EBI3: variants seen among roughly 807,000 people sequenced by gnomAD.
EBI3 encodes Epstein-Barr virus induced 3, also known as interleukin-27 subunit beta.
EBI3 carries 19 observed loss-of-function variants against 21.3 expected under a neutral mutation model. The observed-to-expected ratio is 0.89, with a 90% confidence interval of 0.62 to 1.31. The LOEUF is 1.31. Among genes scored for constraint, EBI3 ranks in the 50% most tolerant of loss-of-function variants. The probability of loss-of-function intolerance (pLI) is 0.00; values close to 1 mark genes in which losing one functional copy is unlikely to be tolerated. For missense variants in EBI3, 331 were observed against 314.0 expected, an observed-to-expected ratio of 1.05 and a Z score of -0.41; for synonymous variants, 154 against 131.2, an observed-to-expected ratio of 1.17 and a Z score of -1.19.
chr19:4,234,903 T>C, intron 4 of EBI3, 79 bp downstream of exon 4: 1 of 1,568,656 alleles, frequency 6.4e-7, no homozygotes, highest in Non-Finnish European at 8.7e-7. Flanking sequence ...GCAGGTGTGC[T>C]GGGCTCTTGC....
Position 4,237,302 on chromosome 19 carries a change from C to G in EBI3, c.*214C>G, listed in dbSNP as rs564329486. On this transcript the variant is annotated 3_prime_UTR_variant, in exon 5 of 5. Transcript: ENST00000221847. ...GGAGATGTACTACTCTCTCCTTTAC[C>G]TTTACCTTTACCACAGTGCAGGGCT... The G allele has an allele frequency of 2.3e-6, 1 of 434,246 alleles. No individual in the cohort carries two copies. Among genetic ancestry groups the G allele is most frequent in the Non-Finnish European group, 4.0e-6 (1 of 250,060 alleles). 26.9% of individuals were successfully genotyped at this position (434,246 alleles called of 1,614,324 possible).
intron 2 of EBI3, among the ~76,000 whole-genome samples, chr19:4,232,611 C>T (rs563460879): frequency 2.2e-4 from 33 of 151,848 alleles, no homozygotes; most frequent in African/African-American, 7.2e-4. Context: ...GTAGTCCCAA[C>T]CGCTCTGGAG....
rs142428872 is a variant in EBI3 at position 4,234,474 on chromosome 19, A to T, written c.380-193A>T. ...ACTACTCGGGAGGCTGAGGCAGGAG[A>T]ATCGCCTGAACCTGGGAGGCAGAGG... On this transcript the variant is annotated intron_variant, in intron 3 of 4. Transcript: ENST00000221847. Among the ~76,000 whole-genome samples, 1,087 of 152,204 alleles carry T rather than the reference A, an allele frequency of 7.1e-3. 10 individuals carry two copies. The highest frequency in any genetic ancestry group is 0.025 in the African/African-American group (1,045 of 41,510).
At chr19:4,232,916 C>T (rs1421996601) in intron 2 of EBI3, 1 of 496,024 alleles carries the variant, frequency 2.0e-6, no homozygotes, top group East Asian at 3.5e-5. Flanking sequence ...GTTGTAATCC[C>T]CGACCTGAAC....
chr19:4,232,967 C>CG (rs374988258), intron 2 of EBI3, 162 bp from the exon 3 acceptor site: 1 of 758,516 alleles, frequency 1.3e-6, no homozygotes, highest in Middle Eastern at 4.0e-4. Context: ...GCCCTGCCCC[C>CG]GGGGGGTGGC....
In EBI3 at chr19:4,234,703, C is replaced by G. The variant is rs542032229; in HGVS notation, c.416C>G (p.Pro139Arg). 2 of 1,614,140 alleles carry G rather than the reference C, an allele frequency of 1.2e-6. No individual in the cohort carries two copies. The highest frequency in any genetic ancestry group is 4.5e-5 in the East Asian group (2 of 44,890). The change falls in exon 4 of 5, where the codon CCC (proline) becomes CGC (arginine). Residue 139 changes from proline (P) to arginine (R), a missense_variant. Coordinates refer to ENST00000221847, the MANE Select transcript of EBI3 (RefSeq NM_005755.3). ...CCTCCAGAAGGCGTGCGCCTAAGCC[C>G]CCTCGCTGAGCGCCAGCTACAGGTG... The part of the protein sequence containing the change: ...PDPPEGVRLS[P>R]LAERQLQVQW...
rs754934334 is a variant in EBI3 at position 4,237,081 on chromosome 19, G to A, written c.683G>A (p.Gly228Asp). The A allele has an allele frequency of 3.9e-6, 6 of 1,525,108 alleles. No homozygotes were observed. The highest frequency in any genetic ancestry group is 1.2e-5 in the South Asian group (1 of 80,368). The allele number at this position is 1,525,108 out of a possible 1,614,324, so 94.5% of individuals were successfully genotyped here. Residue 228 changes from glycine (G) to aspartate (D), a missense_variant, in exon 5 of 5, where the codon GGC becomes GAC. Gly to Asp is a moderately conservative substitution (Grantham distance 94, BLOSUM62 -1). Transcript: ENST00000221847. ...SLPATATMSL[G>D]K is the part of the protein sequence containing the mutation. ...CCCGCCACTGCCACAATGAGCCTGG[G>A]CAAGTAGCAAGGGCTTCCCGCTGCC... is the stretch of plus-strand genomic sequence containing the variant.
At chr19:4,231,382 C>G in intron 2 of EBI3, 59 bp downstream of exon 2, 3 of 1,524,446 alleles carry the variant, frequency 2.0e-6, no homozygotes, top group Admixed American at 2.2e-5. Flanking sequence ...GCCCAGAACT[C>G]TGGCCCTGAG....
At chr19:4,233,443 C>G (rs938474344) in intron 3 of EBI3, 136 bp downstream of exon 3, 2 of 1,014,524 alleles carry the variant, frequency 2.0e-6, no homozygotes, top group Non-Finnish European at 2.8e-6. Flanking sequence ...CTTCTTCCCC[C>G]TCCTCTACCA....
chr19:4,232,868 G>A (rs889934644), intron 2 of EBI3, among the ~76,000 whole-genome samples: 17 of 152,192 alleles, frequency 1.1e-4, no homozygotes, highest in Non-Finnish European at 1.5e-5. Flanking sequence ...TGACATCCCA[G>A]AAACCTTTAG....
At chr19:4,232,241 A>AAAAAG (rs1290574653) in intron 2 of EBI3, among the ~76,000 whole-genome samples, 43 of 93,512 alleles carry the variant, frequency 4.6e-4, no homozygotes, top group Non-Finnish European at 6.4e-4. Flanking sequence ...AAAAAAAAAA[A>AAAAAG]AAAAGAAAAG....
intron 4 of EBI3, among the ~76,000 whole-genome samples, chr19:4,235,477 C>T (rs1022473902): frequency 2.0e-5 from 3 of 151,988 alleles, no homozygotes; most frequent in Admixed American, 1.3e-4. Flanking sequence ...CCACCACGCC[C>T]GGCTAATTTC....
chr19:4,232,483 C>A (rs113529252), intron 2 of EBI3, among the ~76,000 whole-genome samples: 1 of 150,434 alleles, frequency 6.6e-6, no homozygotes, highest in South Asian at 2.1e-4. Context: ...CTTGGGAGGC[C>A]GAGGTGGGAG....
chr19:4,232,324 G>A (rs1410075671), intron 2 of EBI3, among the ~76,000 whole-genome samples: 1 of 151,686 alleles, frequency 6.6e-6, no homozygotes, highest in African/African-American at 2.4e-5. Flanking sequence ...GTACTTGCCT[G>A]TAGTCCCAGC....
intron 2 of EBI3, among the ~76,000 whole-genome samples, chr19:4,231,770 C>CAAAAAAAA (rs776262776): frequency 1.9e-5 from 2 of 102,888 alleles, no homozygotes; most frequent in African/African-American, 8.4e-5. Flanking sequence ...GACTCCATCT[C>CAAAAAAAA]AAAAAAAAAA....
In EBI3 at chr19:4,237,061, C is replaced by A; in HGVS notation, c.663C>A (p.Ala221=). 1 of 1,560,272 alleles carries A rather than the reference C, an allele frequency of 6.4e-7. No homozygotes were observed. The change falls in exon 5 of 5, where the codon GCC becomes GCA. Residue 221 remains alanine (A), a synonymous_variant. Coordinates refer to ENST00000221847, the MANE Select transcript of EBI3 (RefSeq NM_005755.3). ...YGELSDWSLP[A]TATMSLGK ...AACTGAGTGACTGGAGTCTCCCCGCCACTGCCACAATGAGCCTGGGCAAGT... is the reference window on the plus strand; with the variant it reads ...AACTGAGTGACTGGAGTCTCCCCGCAACTGCCACAATGAGCCTGGGCAAGT...
At position 4,234,655 on chromosome 19, in the gene EBI3, C is replaced by T. The variant is rs772071169; in HGVS notation, c.380-12C>T. On this transcript the variant is annotated splice_polypyrimidine_tract_variant and intron_variant, in intron 3 of 4. Transcript: ENST00000221847. The stretch of plus-strand genomic sequence containing the variant: ...TACTGTCCCCTGACCCTGCTTCCTG[C>T]TTGTCCGTCAGTCAAGCCCGACCCT... 1.9e-6 allele frequency: 3 copies of T among 1,608,960 alleles called. No homozygotes were observed. The highest frequency in any genetic ancestry group is 2.5e-6 in the Non-Finnish European group (3 of 1,176,752).
Position 4,231,214 on chromosome 19 carries a change from C to T in EBI3, c.91C>T (p.Pro31Ser). The T allele has an allele frequency of 1.2e-6, 2 of 1,604,672 alleles. No individual in the cohort carries two copies. Among genetic ancestry groups the T allele is most frequent in the Non-Finnish European group, 8.5e-7 (1 of 1,176,632 alleles). ...AGGGCCCCCAGCAGCTCTGACACTG[C>T]CCCGGGTGCAATGCCGAGCCTCTCG... ...RKGPPAALTL[P>S]RVQCRASRYP... Residue 31 changes from proline to serine, a missense_variant, in exon 2 of 5, where the codon CCC becomes TCC. Physicochemically the swap from Pro to Ser is moderately conservative, Grantham distance 74. Transcript: ENST00000221847.
In EBI3 at chr19:4,229,604, C is replaced by T. The variant is rs971690723; in HGVS notation, c.54C>T (p.Cys18=). The T allele has an allele frequency of 5.0e-6, 8 of 1,608,850 alleles. No homozygotes were observed. ...TCCTCTGGGCCAGCTGCCCGCCCTG[C>T]AGTGGAAGGAAAGGTATGTGGGGCC... is the stretch of plus-strand genomic sequence containing the variant. ...ALVLWASCPP[C]SGRKGPPAAL... The change falls in exon 1 of 5, where the codon TGC becomes TGT. Residue 18 remains cysteine, a synonymous_variant. Transcript: ENST00000221847.
Sources: gnomAD v4.1 joint callset for allele counts (sites outside exome capture counted in the v4.1 genomes callset) on GRCh38, gnomAD v4.1.1 for gene constraint, MANE v1.5 for transcripts, NCBI Gene and HGNC (gene_info 2026-07-23, HGNC 2026-07-21) for gene names.